EAF1: variants seen among roughly 807,000 people sequenced by gnomAD.
EAF1 encodes the protein ELL associated factor 1, also known as ELL-associated factor 1.
A neutral mutation model predicts 26.6 loss-of-function variants in EAF1; 19 were observed. That is an observed-to-expected ratio of 0.71 (90% CI 0.50 to 1.05). The LOEUF (loss-of-function observed/expected upper bound fraction) is 1.05, where lower values mean the gene tolerates loss of function less well. Ranked by LOEUF, EAF1 falls within the 50% of genes least tolerant of loss-of-function variation. The probability of loss-of-function intolerance (pLI) is 0.00; values close to 1 mark genes in which losing one functional copy is unlikely to be tolerated. For synonymous variants in EAF1, 102 were observed against 120.6 expected, an observed-to-expected ratio of 0.85 and a Z score of 1.01; for missense variants, 260 against 335.5, an observed-to-expected ratio of 0.78 and a Z score of 1.76.
At chr3:15,432,707 C>G (rs2061809431) in intron 3 of EAF1, among the ~76,000 whole-genome samples, 1 of 151,808 alleles carries the variant, frequency 6.6e-6, no homozygotes, top group African/African-American at 2.4e-5. Flanking sequence ...TAAAATGAAG[C>G]CAGTTAGAGT....
intron 4 of EAF1, among the ~76,000 whole-genome samples, chr3:15,435,078 CT>C (rs914754334): frequency 3.3e-5 from 5 of 152,216 alleles, no homozygotes; most frequent in African/African-American, 1.2e-4. Context: ...AATAACATCT[CT>C]TTTTTGGGGG....
In EAF1 at chr3:15,429,975, G is replaced by A. The variant is rs779812288; in HGVS notation, c.166G>A (p.Asp56Asn). The change falls in exon 2 of 6, where the codon GAT becomes AAT. Residue 56 changes from aspartate (D) to asparagine (N), a missense_variant. Asp to Asn is a conservative substitution (Grantham distance 23). Coordinates refer to ENST00000396842, the MANE Select transcript of EAF1 (RefSeq NM_033083.7). The part of the protein sequence containing the change: ...CEGELQVGKG[D>N]EVTITLPHIP... Reference sequence around the variant, plus strand: ...AGGAGAGCTTCAAGTTGGCAAAGGAGATGAAGTCACAATTACACTGCCACA... The same window carrying A: ...AGGAGAGCTTCAAGTTGGCAAAGGAAATGAAGTCACAATTACACTGCCACA... 1.9e-6 allele frequency: 3 copies of A among 1,612,428 alleles called. No homozygotes were observed. The highest frequency in any genetic ancestry group is 4.5e-5 in the East Asian group (2 of 44,788).
In EAF1 at chr3:15,441,002, C is replaced by CTCCCCAACTTTTTTCTGAAAGCCTTGATT; in HGVS notation, c.*1850_*1878dup. 6.6e-6 allele frequency: 1 copy of CTCCCCAACTTTTTTCTGAAAGCCTTGATT among 152,524 alleles called. No individual in the cohort carries two copies. The allele number at this position is 152,524 out of a possible 1,614,324, so 9.4% of individuals were successfully genotyped here. On this transcript the variant is annotated 3_prime_UTR_variant, in exon 6 of 6. Transcript: ENST00000396842. ...ATTTAAGCCTCTCTCTCTTTCTCTCCTCCCCAACTTTTTTCTGAAAGCCTT... is the reference window on the plus strand; with the variant it reads ...ATTTAAGCCTCTCTCTCTTTCTCTCCTCCCCAACTTTTTTCTGAAAGCCTTGATTTCCCCAACTTTTTTCTGAAAGCCTT...
rs532047272 is a variant in EAF1, at chr3:15,427,930, A to G, written c.103+48A>G. The stretch of plus-strand genomic sequence containing the variant: ...TCCCTTCGGCCGCTCCAGCCGCCAC[A>G]TATCAACCTTGACTCCTTCCTTTCT... On this transcript the variant is annotated intron_variant, in intron 1 of 5. Coordinates refer to ENST00000396842, the MANE Select transcript of EAF1 (RefSeq NM_033083.7). The G allele has an allele frequency of 1.1e-5, 16 of 1,430,212 alleles. 1 individual carries two copies. The highest frequency in any genetic ancestry group is 1.3e-5 in the Non-Finnish European group (14 of 1,058,330). 88.6% of individuals were successfully genotyped at this position (1,430,212 alleles called of 1,614,324 possible).
In EAF1 at chr3:15,440,819, G is replaced by A. The variant is rs2061864594; in HGVS notation, c.*1664G>A. ...GGTAGGAACTTATTTATAGTGGATT[G>A]ATAATTGCTTTATAATTCCTTGGTA... On this transcript the variant is annotated 3_prime_UTR_variant, in exon 6 of 6. Transcript: ENST00000396842. 6.6e-6 allele frequency: 1 copy of A among 152,574 alleles called. No homozygotes were observed. The highest frequency in any genetic ancestry group is 1.5e-5 in the Non-Finnish European group (1 of 68,044). The allele number at this position is 152,574 out of a possible 1,614,324, so 9.5% of individuals were successfully genotyped here. A position where few individuals can be genotyped will look rare whatever the true frequency, so the allele number is the denominator to read the frequency against.
chr3:15,428,016 C>A, intron 1 of EAF1, 134 bp downstream of exon 1: 1 of 709,218 alleles, frequency 1.4e-6, no homozygotes, highest in East Asian at 3.0e-5. Context: ...TCTCTCGAAC[C>A]CCAAATCCTT....
At chr3:15,439,060 G>C (rs2061851401) in intron 5 of EAF1, 49 bp from the exon 6 acceptor site, 6 of 1,546,398 alleles carry the variant, frequency 3.9e-6, no homozygotes, top group Non-Finnish European at 5.3e-6. Flanking sequence ...TTTAAATTCT[G>C]TACTTTTGTT....
rs2061821026 is a variant in EAF1 at position 15,434,307 on chromosome 3, T to C, written c.336-41T>C. The C allele has an allele frequency of 1.9e-6, 3 of 1,598,924 alleles. No homozygotes were observed. The Admixed American group carries it at 5.1e-5, about 27-fold the overall frequency. On this transcript the variant is annotated intron_variant, in intron 3 of 5. Transcript: ENST00000396842. ...TCACCTGGACAAATTTGAGAACCAC[T>C]ATTTTTGCCCTGCTAATTTAATGTC...
chr3:15,439,091 A>ATT lies in EAF1; in HGVS notation c.761-8_761-7dup. 12 of 1,331,182 alleles carry ATT rather than the reference A, an allele frequency of 9.0e-6. No homozygotes were observed. The highest frequency in any genetic ancestry group is 4.0e-5 in the Admixed American group (2 of 50,266). 82.5% of individuals were successfully genotyped at this position (1,331,182 alleles called of 1,614,324 possible). A position where few individuals can be genotyped will look rare whatever the true frequency, so the allele number is the denominator to read the frequency against. On this transcript the variant is annotated splice_polypyrimidine_tract_variant and intron_variant, in intron 5 of 5. Coordinates refer to ENST00000396842, the MANE Select transcript of EAF1 (RefSeq NM_033083.7). Reference sequence around the variant, plus strand: ...TTGTTTGATTCTATGATTTTACTTTATTTTTTTTTTTAAATAGGAAATGAC... The same window carrying ATT: ...TTGTTTGATTCTATGATTTTACTTTATTTTTTTTTTTTTAAATAGGAAATGAC...
chr3:15,434,687 G>A, intron 4 of EAF1, 149 bp downstream of exon 4: 1 of 936,600 alleles, frequency 1.1e-6, no homozygotes, highest in Non-Finnish European at 1.6e-6. Flanking sequence ...TTCAGAGATG[G>A]GGAGGGTGGG....
At chr3:15,431,993 A>G (rs575626327) in intron 2 of EAF1, 94 bp from the exon 3 acceptor site, 4 of 1,378,484 alleles carry the variant, frequency 2.9e-6, no homozygotes, top group Admixed American at 2.3e-5. Flanking sequence ...TAGCTCTGAT[A>G]AAAGATTTCA....
Position 15,436,501 on chromosome 3 carries a change from C to T in EAF1, c.686C>T (p.Pro229Leu). Residue 229 changes from proline (P) to leucine (L), a missense_variant, in exon 5 of 6, where the codon CCC becomes CTC. Pro to Leu is a moderately conservative substitution (Grantham distance 98). Transcript: ENST00000396842. The part of the protein sequence containing the change: ...ASPPQPSHQQ[P>L]YNSRPAVANG... ...CCTCCGCAGCCTTCACACCAGCAGCCCTACAACAGTAGGCCTGCCGTTGCC... is the reference window on the plus strand; with the variant it reads ...CCTCCGCAGCCTTCACACCAGCAGCTCTACAACAGTAGGCCTGCCGTTGCC... 6.2e-7 allele frequency: 1 copy of T among 1,606,968 alleles called. No homozygotes were observed. The highest frequency in any genetic ancestry group is 8.5e-7 in the Non-Finnish European group (1 of 1,173,916).
intron 3 of EAF1, among the ~76,000 whole-genome samples, chr3:15,433,802 A>C (rs2061817367): frequency 6.6e-6 from 1 of 152,224 alleles, no homozygotes; most frequent in Non-Finnish European, 1.5e-5. Context: ...GTCCCTTAAG[A>C]TTCTAATGGA....
rs2061868811 is a variant in EAF1 at position 15,441,403 on chromosome 3, A to C, written c.*2248A>C. ...TTCTCCTTCTCTCCCTCCATACCCC[A>C]CTTTTGAGGTTCTGTGGGTACCATC... On this transcript the variant is annotated 3_prime_UTR_variant, in exon 6 of 6. Coordinates refer to ENST00000396842, the MANE Select transcript of EAF1 (RefSeq NM_033083.7). The C allele has an allele frequency of 7.5e-6, 1 of 133,332 alleles. No individual in the cohort carries two copies. Among genetic ancestry groups the C allele is most frequent in the African/African-American group, 2.9e-5 (1 of 34,414 alleles). The allele number at this position is 133,332 out of a possible 1,614,324, so 8.3% of individuals were successfully genotyped here.
chr3:15,436,934 C>T (rs1190952550), intron 5 of EAF1, among the ~76,000 whole-genome samples: 1 of 152,122 alleles, frequency 6.6e-6, no homozygotes, highest in African/African-American at 2.4e-5. Flanking sequence ...CTCACTCTGT[C>T]GCCCAGGCTG....
intron 2 of EAF1, among the ~76,000 whole-genome samples, chr3:15,430,416 C>T (rs1047158175): frequency 2.7e-5 from 4 of 149,124 alleles, no homozygotes; most frequent in Non-Finnish European, 4.4e-5. Context: ...ACCAAGATCA[C>T]GCCACTGCAC....
chr3:15,439,229 ATTGCAAGAG>A lies in EAF1; in HGVS notation c.*75_*83del. On this transcript the variant is annotated 3_prime_UTR_variant, in exon 6 of 6. Transcript: ENST00000396842. Reference sequence around the variant, plus strand: ...ACTGAGCTACTTTGGCGTGGAGTCCATTGCAAGAGGAAAATGTTATGGATCAGTGACTGT... The same window carrying A: ...ACTGAGCTACTTTGGCGTGGAGTCCAGAAAATGTTATGGATCAGTGACTGT... The A allele has an allele frequency of 6.9e-7, 1 of 1,458,272 alleles. No individual in the cohort carries two copies. Among genetic ancestry groups the A allele is most frequent in the Non-Finnish European group, 9.5e-7 (1 of 1,052,262 alleles). The allele number at this position is 1,458,272 out of a possible 1,614,324, so 90.3% of individuals were successfully genotyped here.
Position 15,440,768 on chromosome 3 carries a change from A to C in EAF1, c.*1613A>C, listed in dbSNP as rs937382579. ...CCCCGTGCTGGGCTCTCAGCCCATC[A>C]TGAGATTTTGGTGGATTTAATGGCA... On this transcript the variant is annotated 3_prime_UTR_variant, in exon 6 of 6. Coordinates refer to ENST00000396842, the MANE Select transcript of EAF1 (RefSeq NM_033083.7). 6.6e-6 allele frequency: 1 copy of C among 152,662 alleles called. No individual in the cohort carries two copies. The highest frequency in any genetic ancestry group is 6.5e-5 in the Admixed American group (1 of 15,280). The allele number at this position is 152,662 out of a possible 1,614,324, so 9.5% of individuals were successfully genotyped here. A position where few individuals can be genotyped will look rare whatever the true frequency, so the allele number is the denominator to read the frequency against.
intron 5 of EAF1, 34 bp downstream of exon 5, chr3:15,436,609 G>A: frequency 1.3e-6 from 2 of 1,482,878 alleles, no homozygotes; most frequent in Non-Finnish European, 9.2e-7. Flanking sequence ...GCTGAGAGAG[G>A]GCCATAGGTG....
Sources: gnomAD v4.1 joint callset for allele counts (sites outside exome capture counted in the v4.1 genomes callset) on GRCh38, gnomAD v4.1.1 for gene constraint, MANE v1.5 for transcripts, NCBI Gene and HGNC (gene_info 2026-07-23, HGNC 2026-07-21) for gene names.